RGS6: variants seen among roughly 807,000 people sequenced by gnomAD.
RGS6 encodes regulator of G-protein signaling 6.
RGS6 carries 30 observed loss-of-function variants against 78.5 expected under a neutral mutation model. That is an observed-to-expected ratio of 0.38 (90% CI 0.29 to 0.52). The LOEUF (loss-of-function observed/expected upper bound fraction) is 0.52. Among genes scored for constraint, RGS6 ranks in the 20% least tolerant of loss-of-function variants. The pLI is 0.85. For synonymous variants in RGS6, 206 were observed against 206.0 expected (o/e 1.00, Z 0.00); for missense variants, 495 against 609.7 (o/e 0.81, Z 1.98).
intron 2 of RGS6, among the ~76,000 whole-genome samples, chr14:72,055,422 G>C (rs920085744): frequency 5.3e-5 from 8 of 152,112 alleles, no homozygotes; most frequent in Non-Finnish European, 1.2e-4. Flanking sequence ...CCTTCACATA[G>C]AGAGGCTAGA....
At chr14:72,470,875 C>G (rs113771100) in intron 8 of RGS6, among the ~76,000 whole-genome samples, 12,985 of 120,736 alleles carry the variant, frequency 0.11, 625 homozygotes, top group Middle Eastern at 0.15. Flanking sequence ...GCAAAACTCC[C>G]TCTCAAAAAA....
chr14:72,162,142 C>T (rs1432091109), intron 2 of RGS6, among the ~76,000 whole-genome samples: 1 of 151,618 alleles, frequency 6.6e-6, no homozygotes, highest in Admixed American at 6.6e-5. Flanking sequence ...TTTGACATTG[C>T]TCATTTACAT....
At chr14:72,173,144 G>A (rs1316854203) in intron 2 of RGS6, among the ~76,000 whole-genome samples, 2 of 152,046 alleles carry the variant, frequency 1.3e-5, no homozygotes, top group African/African-American at 4.8e-5. Flanking sequence ...CACCTTTCCT[G>A]CTGGGGATTT....
chr14:72,159,871 A>C (rs1307316418), intron 2 of RGS6, among the ~76,000 whole-genome samples: 1 of 152,242 alleles, frequency 6.6e-6, no homozygotes, highest in Admixed American at 6.5e-5. Context: ...GATATTATTA[A>C]CATGACTACG....
At chr14:71,911,918 G>A in the RGS6 span, among the ~76,000 whole-genome samples, 7 of 152,142 alleles carry the variant, frequency 4.6e-5, no homozygotes, top group African/African-American at 1.4e-4. Flanking sequence ...TTCATGAAGG[G>A]GGCATGCATG....
intron 2 of RGS6, among the ~76,000 whole-genome samples, chr14:72,135,447 C>T (rs941940868): frequency 6.6e-6 from 1 of 152,148 alleles, no homozygotes; most frequent in Non-Finnish European, 1.5e-5. Flanking sequence ...CATGTCCCCT[C>T]CCAGCTCTAA....
intron 3 of RGS6, among the ~76,000 whole-genome samples, chr14:72,390,185 C>T (rs761883846): frequency 1.2e-4 from 18 of 151,130 alleles, no homozygotes; most frequent in Non-Finnish European, 2.5e-4. Context: ...GCAACCTCCG[C>T]TTCCCGGGTT....
intron 2 of RGS6, among the ~76,000 whole-genome samples, chr14:72,228,119 C>G (rs997977723): frequency 3.9e-5 from 6 of 152,168 alleles, no homozygotes; most frequent in Non-Finnish European, 5.9e-5. Flanking sequence ...TGGCTGACAC[C>G]TGTAATCCCA....
At chr14:72,226,449 A>G (rs1391215345) in intron 2 of RGS6, among the ~76,000 whole-genome samples, 6 of 152,214 alleles carry the variant, frequency 3.9e-5, no homozygotes, top group African/African-American at 1.2e-4. Flanking sequence ...GTCTATATGG[A>G]TGGATCTCTG....
At chr14:72,548,865 A>G in intron 17 of RGS6, among the ~76,000 whole-genome samples, 1 of 152,226 alleles carries the variant, frequency 6.6e-6, no homozygotes, top group African/African-American at 2.4e-5. Context: ...GAATATTCCA[A>G]CAATAGACTA....
chr14:72,077,385 C>G (rs540788965), intron 2 of RGS6, among the ~76,000 whole-genome samples: 13 of 152,128 alleles, frequency 8.5e-5, no homozygotes, highest in African/African-American at 3.1e-4. Context: ...TTCTATTAGT[C>G]TTTTAACCTT....
intron 2 of RGS6, among the ~76,000 whole-genome samples, chr14:72,150,452 C>T (rs570118660): frequency 1.4e-4 from 22 of 152,128 alleles, no homozygotes; most frequent in African/African-American, 2.7e-4. Flanking sequence ...AAATTATACA[C>T]GAAGTTAGAG....
intron 17 of RGS6, among the ~76,000 whole-genome samples, chr14:72,555,770 G>T (rs1252550376): frequency 6.6e-6 from 1 of 152,260 alleles, no homozygotes; most frequent in African/African-American, 2.4e-5. Flanking sequence ...TAACTGGCAA[G>T]CATGTTGTGG....
At chr14:71,985,354 C>T (rs1018478303) in intron 2 of RGS6, among the ~76,000 whole-genome samples, 1 of 152,208 alleles carries the variant, frequency 6.6e-6, no homozygotes, top group African/African-American at 2.4e-5. Flanking sequence ...GATCTCTTGA[C>T]CTCATGATCC....
intron 2 of RGS6, among the ~76,000 whole-genome samples, chr14:72,254,763 A>G (rs2056697859): frequency 1.3e-5 from 2 of 152,316 alleles, no homozygotes; most frequent in South Asian, 4.1e-4. Context: ...AACAAAAGGC[A>G]GTATCCCTTT....
At chr14:72,229,886 A>G (rs1216004246) in intron 2 of RGS6, among the ~76,000 whole-genome samples, 1 of 152,200 alleles carries the variant, frequency 6.6e-6, no homozygotes, top group Non-Finnish European at 1.5e-5. Context: ...AGAGTGACAC[A>G]TGAGGCATAA....
intron 2 of RGS6, among the ~76,000 whole-genome samples, chr14:72,200,983 A>AG (rs1405363009): frequency 3.7e-4 from 55 of 149,078 alleles, no homozygotes; most frequent in African/African-American, 1.3e-3. Context: ...AAAAAAAAAA[A>AG]AAAAGAAGAA....
chr14:72,457,976 A>G (rs946503965), intron 4 of RGS6, among the ~76,000 whole-genome samples: 2 of 152,216 alleles, frequency 1.3e-5, no homozygotes, highest in African/African-American at 4.8e-5. Flanking sequence ...AGGTTCTTCT[A>G]TGCCAGAACT....
At chr14:71,992,182 C>T (rs948762104) in intron 2 of RGS6, among the ~76,000 whole-genome samples, 2 of 152,116 alleles carry the variant, frequency 1.3e-5, no homozygotes, top group Non-Finnish European at 2.9e-5. Flanking sequence ...AGGCCTGCGC[C>T]GCCATGCTTG....
Sources: allele counts gnomAD v4.1 joint callset (sites outside exome capture counted in the v4.1 genomes callset), GRCh38; gene constraint gnomAD v4.1.1; transcripts MANE v1.5; gene names NCBI Gene and HGNC (gene_info 2026-07-23, HGNC 2026-07-21).